Variants in FAM107A observed in about 807,000 individuals in gnomAD.
FAM107A encodes family with sequence similarity 107 member A, also known as actin-associated protein FAM107A.
Under a neutral mutation model 13.7 loss-of-function variants are expected in FAM107A, and 19 were observed. That is an observed-to-expected ratio of 1.38 (90% CI 0.97 to 2.03). FAM107A has a LOEUF of 2.03. Ranked by LOEUF, FAM107A falls within the 30% of genes most tolerant of loss-of-function variation. FAM107A has a pLI of 0.00. For synonymous variants in FAM107A, 82 were observed against 74.5 expected, an observed-to-expected ratio of 1.10 and a Z score of -0.52; for missense variants, 203 against 184.4, an observed-to-expected ratio of 1.10 and a Z score of -0.58.
chr3:58,602,201 A>G (rs1404185037), intron 1 of FAM107A, among the ~76,000 whole-genome samples: 2 of 152,210 alleles, frequency 1.3e-5, no homozygotes, highest in African/African-American at 4.8e-5. Context: ...AACGGTCCAC[A>G]AACGTAAGAA....
At chr3:58,599,723 T>A (rs2065737870) in intron 1 of FAM107A, among the ~76,000 whole-genome samples, 1 of 76,522 alleles carries the variant, frequency 1.3e-5, no homozygotes, top group African/African-American at 6.4e-5. Flanking sequence ...TTTTTTTTTT[T>A]TTTTTTTTTT....
In FAM107A at chr3:58,594,504, T is replaced by C. The variant is rs144760915; in HGVS notation, c.-69-5235A>G. On this transcript the variant is annotated intron_variant, in intron 1 of 3. Coordinates refer to the FAM107A transcript ENST00000465970. ...TCTCTTTTGGTGCTCCCTCTCATCT[T>C]TTCACTTTACATTTCCAGTTTTGCC... is the stretch of plus-strand genomic sequence containing the variant. Among the ~76,000 whole-genome samples, 486 of 152,336 alleles carry C rather than the reference T, an allele frequency of 3.2e-3. 3 individuals carry two copies. Among genetic ancestry groups the C allele is most frequent in the African/African-American group, 0.011 (472 of 41,572 alleles).
intron 1 of FAM107A, among the ~76,000 whole-genome samples, chr3:58,572,548 G>C (rs2063694599): frequency 6.6e-6 from 1 of 152,216 alleles, no homozygotes; most frequent in East Asian, 1.9e-4. Context: ...GCTGGGAGTG[G>C]TGTGAGCTGA....
chr3:58,569,799 T>G lies in FAM107A; in HGVS notation c.62A>C (p.Tyr21Ser). 6.2e-7 allele frequency: 1 copy of G among 1,614,106 alleles called. No homozygotes were observed. The highest frequency in any genetic ancestry group is 1.1e-5 in the South Asian group (1 of 91,072). The stretch of plus-strand genomic sequence containing the variant: ...GATGAGCTCCGGATTCCACTCTCTG[T>G]ATTCTGGCCGGGCCATCAGGCCCCC... Reference protein sequence around the residue: ...DIGGLMARPEYREWNPELIKP... With the variant: ...DIGGLMARPESREWNPELIKP... The change falls in exon 2 of 4, where the codon TAC (tyrosine) becomes TCC (serine). Residue 21 changes from tyrosine (Y) to serine (S), a missense_variant. Physicochemically the swap from Tyr to Ser is moderately radical, Grantham distance 144. Transcript: ENST00000360997. The surrounding 1 kb of genome is among the most constrained non-coding windows in gnomAD (Gnocchi z 5.7).
chr3:58,579,216 A>G (rs2063753105), upstream of FAM107A, among the ~76,000 whole-genome samples: 1 of 151,976 alleles, frequency 6.6e-6, no homozygotes, highest in South Asian at 2.1e-4. Flanking sequence ...AAAGGCCCAG[A>G]CTGGGTGGAT....
upstream of FAM107A, among the ~76,000 whole-genome samples, chr3:58,578,910 A>G (rs945640740): frequency 3.3e-5 from 5 of 152,344 alleles, no homozygotes; most frequent in South Asian, 6.2e-4. Context: ...TTATTTGTTC[A>G]TTTAACAAAC....
At chr3:58,622,767 G>T (rs1372978759) in intron 1 of FAM107A, among the ~76,000 whole-genome samples, 1 of 152,166 alleles carries the variant, frequency 6.6e-6, no homozygotes, top group Non-Finnish European at 1.5e-5. Context: ...CTGCTGGGCA[G>T]GAGGGGGGCT....
At chr3:58,627,092 C>G in intron 1 of FAM107A, 1 of 1,218,604 alleles carries the variant, frequency 8.2e-7, no homozygotes, top group Non-Finnish European at 1.2e-6. Flanking sequence ...AAGGGGCTCC[C>G]GGGGCGAGGG....
intron 1 of FAM107A, among the ~76,000 whole-genome samples, chr3:58,570,146 T>G (rs976857962): frequency 1.3e-5 from 2 of 152,236 alleles, no homozygotes; most frequent in African/African-American, 2.4e-5. Context: ...AAATACGGGT[T>G]GACACATGCA....
In FAM107A at chr3:58,566,474, G is replaced by A. The variant is rs889058988; in HGVS notation, c.*114C>T. ...GGGGTGACACATTTCTACAGAAGCA[G>A]GTGGGAACATCACAGACGTCCCAGG... On this transcript the variant is annotated 3_prime_UTR_variant, in exon 4 of 4. Transcript: ENST00000360997. 3.7e-5 allele frequency: 28 copies of A among 761,690 alleles called. No homozygotes were observed. The highest frequency in any genetic ancestry group is 3.7e-4 in the Middle Eastern group (1 of 2,686). 47.2% of individuals were successfully genotyped at this position (761,690 alleles called of 1,614,324 possible).
At chr3:58,623,508 C>T (rs1434323605) in intron 1 of FAM107A, among the ~76,000 whole-genome samples, 2 of 152,242 alleles carry the variant, frequency 1.3e-5, no homozygotes, top group Non-Finnish European at 2.9e-5. Flanking sequence ...GAGTGCTGGG[C>T]ACCTCGCCCC....
rs1243729320 is a variant in FAM107A at position 58,613,102 on chromosome 3, C to T, written c.-70+14314G>A. The stretch of plus-strand genomic sequence containing the variant: ...GGCAGCTCCATATCGCCAGCCGTGA[C>T]TCTGCCCTGAAATCTAGCCCAAGGG... On this transcript the variant is annotated intron_variant, in intron 1 of 3. Coordinates refer to the FAM107A transcript ENST00000465970. This position sits in a 1 kb window ranked among gnomAD's most constrained non-coding sequence, Gnocchi z 4.6. 6.6e-6 allele frequency among the ~76,000 whole-genome samples: 1 copy of T among 152,198 alleles called. No individual in the cohort carries two copies. The highest frequency in any genetic ancestry group is 1.9e-4 in the East Asian group (1 of 5,198).
chr3:58,610,593 G>C (rs1263598985), intron 1 of FAM107A, among the ~76,000 whole-genome samples: 1 of 152,220 alleles, frequency 6.6e-6, no homozygotes, highest in East Asian at 1.9e-4. Flanking sequence ...CAAAAGTGTT[G>C]CTGAGAAGAT....
intron 1 of FAM107A, among the ~76,000 whole-genome samples, chr3:58,605,250 C>T (rs1050491835): frequency 6.6e-6 from 1 of 152,198 alleles, no homozygotes; most frequent in Non-Finnish European, 1.5e-5. Flanking sequence ...AGCCCCAGTT[C>T]ACTCTTAACC....
chr3:58,612,971 G>A (rs943999587), intron 1 of FAM107A, among the ~76,000 whole-genome samples: 5 of 151,988 alleles, frequency 3.3e-5, no homozygotes, highest in Non-Finnish European at 5.9e-5. Context: ...CCACTCCCAC[G>A]CTGCAGGAAT....
chr3:58,608,116 ATGAG>A (rs1370827851), intron 1 of FAM107A, among the ~76,000 whole-genome samples: 1 of 152,112 alleles, frequency 6.6e-6, no homozygotes, highest in Non-Finnish European at 1.5e-5. Flanking sequence ...GTGACCTTGC[ATGAG>A]TCACATCACC....
At chr3:58,627,091 C>G in intron 1 of FAM107A, 1 of 1,250,488 alleles carries the variant, frequency 8.0e-7, no homozygotes, top group Non-Finnish European at 1.1e-6. Flanking sequence ...CAAGGGGCTC[C>G]CGGGGCGAGG....
At chr3:58,619,512 C>T (rs1381385959) in intron 1 of FAM107A, among the ~76,000 whole-genome samples, 2 of 152,184 alleles carry the variant, frequency 1.3e-5, no homozygotes, top group Non-Finnish European at 2.9e-5. Context: ...TACCTCCAGG[C>T]CTTGGCAGAT....
At chr3:58,603,371 C>T (rs887561905) in intron 1 of FAM107A, among the ~76,000 whole-genome samples, 4 of 152,220 alleles carry the variant, frequency 2.6e-5, no homozygotes, top group Admixed American at 6.5e-5. Flanking sequence ...GGATGCTCAC[C>T]GTGGCCCAAG....
Sources: gnomAD v4.1 joint callset for allele counts (sites outside exome capture counted in the v4.1 genomes callset) on GRCh38, gnomAD v4.1.1 for gene constraint, Gnocchi (gnomAD v3.1) non-coding constraint, MANE v1.5 for transcripts, NCBI Gene and HGNC (gene_info 2026-07-23, HGNC 2026-07-21) for gene names.